The following HECW1 variants were observed in gnomAD, a reference collection of about 807,000 sequenced individuals.
HECW1 encodes E3 ubiquitin-protein ligase HECW1.
HECW1 carries 61 observed loss-of-function variants against 182.3 expected under a neutral mutation model. That is an observed-to-expected ratio of 0.33 (90% CI 0.27 to 0.41). HECW1 has a LOEUF of 0.41. Among genes scored for constraint, HECW1 ranks in the 10% least tolerant of loss-of-function variants. The pLI, the probability that HECW1 is intolerant of heterozygous loss-of-function variation, is 1.00. For missense variants in HECW1, 1,739 were observed against 2,108.9 expected, an observed-to-expected ratio of 0.82 and a Z score of 3.44; for synonymous variants, 859 against 832.6, an observed-to-expected ratio of 1.03 and a Z score of -0.55.
chr7:43,505,144 A>C (rs1329527412), intron 21 of HECW1, among the ~76,000 whole-genome samples: 2 of 152,082 alleles, frequency 1.3e-5, no homozygotes, highest in Non-Finnish European at 2.9e-5. Flanking sequence ...CAAACTGTGT[A>C]TCTCTCCAGA....
intron 2 of HECW1, among the ~76,000 whole-genome samples, chr7:43,115,927 A>G (rs1332349254): frequency 6.6e-6 from 1 of 152,210 alleles, no homozygotes; most frequent in East Asian, 1.9e-4. Flanking sequence ...GAGCTTCTTC[A>G]GAACAAGGAC....
At chr7:43,185,886 AT>A (rs1362758917) in intron 2 of HECW1, among the ~76,000 whole-genome samples, 7 of 152,188 alleles carry the variant, frequency 4.6e-5, no homozygotes, top group African/African-American at 1.7e-4. Flanking sequence ...TTATTTAACA[AT>A]TGGCATGCAA....
rs376910689 is a variant in HECW1 at position 43,226,898 on chromosome 7, G to A, written c.-31-16977G>A. 1.3e-3 allele frequency among the ~76,000 whole-genome samples: 198 copies of A among 152,320 alleles called. 1 individual carries two copies. Among genetic ancestry groups the A allele is most frequent in the African/African-American group, 4.6e-3 (193 of 41,570 alleles). On this transcript the variant is annotated intron_variant, in intron 2 of 29. Coordinates refer to ENST00000395891, the MANE Select transcript of HECW1 (RefSeq NM_015052.5). ...TGCGTGTGGGGGCTCCAGAACACAG[G>A]ATGGGGGCCATCTCCAGCCGTCCAA...
At chr7:43,278,777 C>T (rs1803509444) in intron 3 of HECW1, among the ~76,000 whole-genome samples, 1 of 151,974 alleles carries the variant, frequency 6.6e-6, no homozygotes, top group South Asian at 2.1e-4. Context: ...CTAAGTCACC[C>T]CTAGGAGGTC....
chr7:43,533,458 G>A (rs1440744602), intron 24 of HECW1, among the ~76,000 whole-genome samples: 1 of 152,102 alleles, frequency 6.6e-6, no homozygotes, highest in African/African-American at 2.4e-5. Context: ...TCATGGCTTG[G>A]GAAACAGGAC....
chr7:43,255,233 G>A (rs1021484365), intron 3 of HECW1, among the ~76,000 whole-genome samples: 1 of 152,142 alleles, frequency 6.6e-6, no homozygotes, highest in African/African-American at 2.4e-5. Context: ...AAAAATAGCT[G>A]GAGAGAGTCA....
At chr7:43,421,742 C>G (rs187489129) in intron 8 of HECW1, among the ~76,000 whole-genome samples, 1 of 152,274 alleles carries the variant, frequency 6.6e-6, no homozygotes, top group Admixed American at 6.5e-5. Flanking sequence ...TGCACACTCA[C>G]CAGTGTGCAA....
intron 5 of HECW1, among the ~76,000 whole-genome samples, chr7:43,326,034 G>T (rs1810733936): frequency 6.6e-6 from 1 of 152,166 alleles, no homozygotes; most frequent in African/African-American, 2.4e-5. Context: ...TCTAAAGGCT[G>T]GGAAGTCCAT....
chr7:43,263,537 T>A lies in HECW1; in HGVS notation c.27+19605T>A, dbSNP rs547174438. 2.6e-3 allele frequency among the ~76,000 whole-genome samples: 390 copies of A among 152,304 alleles called. 2 individuals carry two copies. The highest frequency in any genetic ancestry group is 4.5e-3 in the Non-Finnish European group (303 of 68,028). On this transcript the variant is annotated intron_variant, in intron 3 of 29. Coordinates refer to ENST00000395891, the MANE Select transcript of HECW1 (RefSeq NM_015052.5). Reference sequence around the variant, plus strand: ...CACTATGGCCGGCTAATTTTTATATTTTCAGTAGAGACAGGGTTTCACCAT... The same window carrying A: ...CACTATGGCCGGCTAATTTTTATATATTCAGTAGAGACAGGGTTTCACCAT...
chr7:43,437,939 G>A, intron 8 of HECW1, 64 bp from the exon 9 acceptor site: 1 of 1,532,848 alleles, frequency 6.5e-7, no homozygotes, highest in Non-Finnish European at 9.0e-7. Flanking sequence ...AAGGCAGATG[G>A]ACTGGGAATT....
At position 43,462,116 on chromosome 7, in the gene HECW1, G is replaced by A. The variant is rs1040191039; in HGVS notation, c.2652-1544G>A. On this transcript the variant is annotated intron_variant, in intron 13 of 29. Transcript: ENST00000395891. ...CATAGTGGAGCCTCATCTGTGCAGC[G>A]AGCATCCCCGTGCTTTCCCACCTGG... 3.9e-5 allele frequency among the ~76,000 whole-genome samples: 6 copies of A among 152,158 alleles called. No homozygotes were observed. In the South Asian group the frequency reaches 6.2e-4, roughly 16 times the overall value.
chr7:43,411,964 A>G (rs770489541), intron 8 of HECW1, among the ~76,000 whole-genome samples: 8 of 152,160 alleles, frequency 5.3e-5, no homozygotes, highest in Non-Finnish European at 8.8e-5. Context: ...ATGTAATTGT[A>G]TTTAGGCCTA....
intron 8 of HECW1, 111 bp from the exon 9 acceptor site, chr7:43,437,892 G>A (rs113356211): frequency 6.6e-6 from 7 of 1,056,960 alleles, no homozygotes; most frequent in Non-Finnish European, 9.8e-6. Flanking sequence ...TTATATATAG[G>A]TATATTATAG....
At chr7:43,256,624 AAAG>A (rs1340372600) in intron 3 of HECW1, among the ~76,000 whole-genome samples, 3 of 151,918 alleles carry the variant, frequency 2.0e-5, no homozygotes, top group Admixed American at 2.0e-4. Context: ...AAAAAAAAAA[AAAG>A]AAAAGAAAAG....
intron 6 of HECW1, among the ~76,000 whole-genome samples, chr7:43,393,476 G>A (rs2075117418): frequency 6.6e-6 from 1 of 152,172 alleles, no homozygotes; most frequent in Admixed American, 6.5e-5. Flanking sequence ...CTAAGACTGG[G>A]CAAACATTTT....
chr7:43,541,934 A>G lies in HECW1; in HGVS notation c.4184A>G (p.Lys1395Arg). The G allele has an allele frequency of 1.3e-6, 2 of 1,563,528 alleles. No homozygotes were observed. Among genetic ancestry groups the G allele is most frequent in the Non-Finnish European group, 8.7e-7 (1 of 1,154,510 alleles). ...TTCCACCAGAGTTTGCAGTGGATGA[A>G]GGACAACAACATCACAGACATCTTA... ...EEFHQSLQWMKDNNITDILDL... is the reference protein window; with the variant it reads ...EEFHQSLQWMRDNNITDILDL... Residue 1395 changes from lysine (K) to arginine (R), a missense_variant, in exon 26 of 30, where the codon AAG becomes AGG. By Grantham distance (26) the Lys-to-Arg change is conservative. This residue lies in a region of HECW1 where 420 missense variants were observed against 595.7 expected (regional missense o/e 0.71). Transcript: ENST00000395891.
intron 5 of HECW1, among the ~76,000 whole-genome samples, chr7:43,330,156 C>A (rs912615869): frequency 6.6e-6 from 1 of 152,178 alleles, no homozygotes; most frequent in African/African-American, 2.4e-5. Context: ...GTGCTGTGAC[C>A]TGGGCTGGTT....
intron 2 of HECW1, among the ~76,000 whole-genome samples, chr7:43,207,067 G>A (rs1795543255): frequency 6.6e-6 from 1 of 151,844 alleles, no homozygotes. Flanking sequence ...TTATTTTTGA[G>A]GCAGAGTCTT....
intron 5 of HECW1, among the ~76,000 whole-genome samples, chr7:43,322,610 C>T (rs1166088403): frequency 6.6e-6 from 1 of 152,174 alleles, no homozygotes; most frequent in Non-Finnish European, 1.5e-5. Flanking sequence ...TGACCTCTCC[C>T]ATTACCTAAC....
Sources: allele counts gnomAD v4.1 joint callset (sites outside exome capture counted in the v4.1 genomes callset), GRCh38; gene constraint gnomAD v4.1.1; regional missense constraint gnomAD v4.1.1; transcripts MANE v1.5; gene names NCBI Gene and HGNC (gene_info 2026-07-23, HGNC 2026-07-21).